The following ZBTB20 variants were observed in gnomAD, a reference collection of about 807,000 sequenced individuals.
ZBTB20 encodes zinc finger and BTB domain containing 20.
Under a neutral mutation model 56.9 loss-of-function variants are expected in ZBTB20, and 9 were observed. The observed-to-expected ratio is 0.16, with a 90% confidence interval of 0.10 to 0.28. The LOEUF (loss-of-function observed/expected upper bound fraction) is 0.28, where lower values mean the gene tolerates loss of function less well. ZBTB20 is among the 10% of genes least tolerant of loss of function. ZBTB20 has a pLI of 1.00. For synonymous variants in ZBTB20, 417 were observed against 420.7 expected (o/e 0.99, Z 0.11); for missense variants, 655 against 1,003.0 (o/e 0.65, Z 4.69).
chr3:114,729,956 ATTTTTTTTTT>A (rs1229757252), intron 5 of ZBTB20, among the ~76,000 whole-genome samples: 2 of 119,448 alleles, frequency 1.7e-5, no homozygotes, highest in Admixed American at 8.9e-5. Flanking sequence ...CATCCGGCTA[ATTTTTTTTTT>A]TTTTTTTTTT....
intron 6 of ZBTB20, among the ~76,000 whole-genome samples, chr3:114,622,604 G>A (rs2107773986): frequency 6.6e-6 from 1 of 152,218 alleles, no homozygotes; most frequent in South Asian, 2.1e-4. Flanking sequence ...TAGGAAACTT[G>A]GGCTATATGA....
Position 114,491,690 on chromosome 3 carries a change from C to A in ZBTB20, c.-255+8662G>T, listed in dbSNP as rs536268296. ...CTGCACATTGGATCTCTCCTCTCTA[C>A]GGTATTCTTCCCATGAAAATACAAA... On this transcript the variant is annotated intron_variant, in intron 7 of 11. Coordinates refer to ENST00000675478, the MANE Select transcript of ZBTB20 (RefSeq NM_001348800.3). Among the ~76,000 whole-genome samples, 13 of 152,282 alleles carry A rather than the reference C, an allele frequency of 8.5e-5. No homozygotes were observed. The South Asian group carries it at 2.7e-3, about 32-fold the overall frequency.
chr3:114,780,338 A>G (rs995048181), intron 5 of ZBTB20, among the ~76,000 whole-genome samples: 5 of 152,238 alleles, frequency 3.3e-5, no homozygotes, highest in African/African-American at 1.2e-4. Flanking sequence ...AAGGAGAAAA[A>G]GAATTAATAG....
intron 4 of ZBTB20, among the ~76,000 whole-genome samples, chr3:114,896,940 A>C (rs1300205096): frequency 1.3e-5 from 2 of 152,086 alleles, no homozygotes; most frequent in Non-Finnish European, 2.9e-5. Flanking sequence ...GATAATGCCC[A>C]ACCAGGATCC....
rs74486609 is a variant in ZBTB20 at position 114,829,919 on chromosome 3, A to C, written c.-416-28745T>G. 1.8e-3 allele frequency among the ~76,000 whole-genome samples: 280 copies of C among 152,036 alleles called. 1 individual carries two copies. Among genetic ancestry groups the C allele is most frequent in the African/African-American group, 6.4e-3 (267 of 41,534 alleles). The stretch of plus-strand genomic sequence containing the variant: ...TTGAAATTTCAGAGAAAAAGAAGGC[A>C]GTATAAGAAAAATTACTCTTCATTG... On this transcript the variant is annotated intron_variant, in intron 4 of 11. Coordinates refer to ENST00000675478, the MANE Select transcript of ZBTB20 (RefSeq NM_001348800.3).
chr3:114,724,940 C>G (rs1207426765), intron 5 of ZBTB20, among the ~76,000 whole-genome samples: 3 of 151,914 alleles, frequency 2.0e-5, no homozygotes, highest in African/African-American at 7.3e-5. Flanking sequence ...TAATGATCAC[C>G]TGGAAATGAT....
intron 4 of ZBTB20, among the ~76,000 whole-genome samples, chr3:114,809,165 G>T (rs1435951162): frequency 6.6e-6 from 1 of 150,820 alleles, no homozygotes; most frequent in Non-Finnish European, 1.5e-5. Flanking sequence ...GATTTTTTTT[G>T]TGTTTATCCA....
chr3:114,956,597 T>TAATG (rs1381252780), intron 3 of ZBTB20, among the ~76,000 whole-genome samples: 1 of 152,198 alleles, frequency 6.6e-6, no homozygotes, highest in Non-Finnish European at 1.5e-5. Context: ...AATTAAGGTA[T>TAATG]AATGGCAGGC....
intron 7 of ZBTB20, among the ~76,000 whole-genome samples, chr3:114,490,194 T>C (rs755381813): frequency 8.6e-5 from 13 of 152,014 alleles, no homozygotes; most frequent in African/African-American, 1.2e-4. Context: ...GTTAATATGC[T>C]TTCTTACCCT....
At chr3:114,996,607 T>C (rs1488311336) in intron 2 of ZBTB20, among the ~76,000 whole-genome samples, 6 of 152,128 alleles carry the variant, frequency 3.9e-5, no homozygotes, top group Admixed American at 1.3e-4. Flanking sequence ...CAGTCTATCA[T>C]TGATGGGCAT....
intron 4 of ZBTB20, among the ~76,000 whole-genome samples, chr3:114,828,497 A>C (rs1295253446): frequency 2.0e-5 from 3 of 151,802 alleles, no homozygotes; most frequent in Admixed American, 6.6e-5. Flanking sequence ...TTGTTTTGTT[A>C]TGTGATTAAC....
At chr3:115,095,101 A>T (rs1002243649) in intron 1 of ZBTB20, among the ~76,000 whole-genome samples, 2 of 152,124 alleles carry the variant, frequency 1.3e-5, no homozygotes, top group Non-Finnish European at 2.9e-5. Flanking sequence ...TGACAAAATT[A>T]CTTCCAATAT....
intron 7 of ZBTB20, among the ~76,000 whole-genome samples, chr3:114,410,085 C>G (rs569725195): frequency 6.6e-6 from 1 of 151,984 alleles, no homozygotes; most frequent in Non-Finnish European, 1.5e-5. Context: ...GAGAGAGACC[C>G]AACATCCAGC....
At chr3:114,414,350 T>C (rs375803896) in intron 7 of ZBTB20, among the ~76,000 whole-genome samples, 24 of 152,212 alleles carry the variant, frequency 1.6e-4, no homozygotes, top group South Asian at 6.2e-4. Context: ...AAATGGAAGA[T>C]GAGAAACACA....
At chr3:114,630,823 G>A (rs2058898004) in intron 6 of ZBTB20, among the ~76,000 whole-genome samples, 1 of 152,132 alleles carries the variant, frequency 6.6e-6, no homozygotes, top group Non-Finnish European at 1.5e-5. Context: ...TTGGAAGGAG[G>A]CAATGGGAGG....
At chr3:114,526,452 C>T (rs187829691) in intron 6 of ZBTB20, among the ~76,000 whole-genome samples, 74 of 152,076 alleles carry the variant, frequency 4.9e-4, no homozygotes, top group Non-Finnish European at 8.2e-4. Flanking sequence ...GTCTTTTGGA[C>T]GGGGAACTGT....
chr3:114,807,028 T>C (rs2971235), intron 4 of ZBTB20, among the ~76,000 whole-genome samples: 6,561 of 152,126 alleles, frequency 0.043, 486 homozygotes, highest in African/African-American at 0.15. Flanking sequence ...TTGTACGTTA[T>C]CTAATTTTGT....
chr3:114,452,415 GT>G (rs1476976774), intron 7 of ZBTB20, among the ~76,000 whole-genome samples: 1 of 152,178 alleles, frequency 6.6e-6, no homozygotes, highest in East Asian at 1.9e-4. Flanking sequence ...TTTGCCAAAA[GT>G]TCCCCTACTT....
At chr3:114,982,204 G>C (rs1196155106) in intron 2 of ZBTB20, among the ~76,000 whole-genome samples, 1 of 152,080 alleles carries the variant, frequency 6.6e-6, no homozygotes, top group South Asian at 2.1e-4. Context: ...GTATAAATGG[G>C]CAATATTATC....
Sources: gnomAD v4.1 joint callset for allele counts (sites outside exome capture counted in the v4.1 genomes callset) on GRCh38, gnomAD v4.1.1 for gene constraint, MANE v1.5 for transcripts, NCBI Gene and HGNC (gene_info 2026-07-23, HGNC 2026-07-21) for gene names.